The following CORO1C variants were observed in gnomAD, a reference collection of about 807,000 sequenced individuals.
CORO1C encodes coronin 1C.
Under a neutral mutation model 51.2 loss-of-function variants are expected in CORO1C, and 14 were observed. The ratio of observed to expected loss-of-function variants is 0.27; its 90% CI spans 0.18 to 0.43. The LOEUF is 0.43. Among genes scored for constraint, CORO1C ranks in the 20% least tolerant of loss-of-function variants. The pLI, the probability that CORO1C is intolerant of heterozygous loss-of-function variation, is 1.00. For synonymous variants in CORO1C, 181 were observed against 210.5 expected, an observed-to-expected ratio of 0.86 and a Z score of 1.21; for missense variants, 417 against 607.8, an observed-to-expected ratio of 0.69 and a Z score of 3.30.
chr12:108,659,417 A>G (rs2033162854), intron 4 of CORO1C, among the ~76,000 whole-genome samples: 1 of 152,242 alleles, frequency 6.6e-6, no homozygotes, highest in South Asian at 2.1e-4. Context: ...TAGTACATGT[A>G]TACTATAGAG....
chr12:108,679,134 C>CAAAAAAA (rs2034027740), intron 2 of CORO1C, among the ~76,000 whole-genome samples: 2 of 49,686 alleles, frequency 4.0e-5, no homozygotes, highest in Non-Finnish European at 8.0e-5. Context: ...AAAAAAGAAA[C>CAAAAAAA]AAGAAAAAAG....
intron 4 of CORO1C, among the ~76,000 whole-genome samples, chr12:108,659,468 C>T (rs181320508): frequency 3.9e-5 from 6 of 152,252 alleles, no homozygotes; most frequent in African/African-American, 1.4e-4. Context: ...CTTTTAATCC[C>T]ACCACTCAGA....
intron 6 of CORO1C, among the ~76,000 whole-genome samples, chr12:108,656,591 G>A (rs574897580): frequency 1.4e-4 from 22 of 152,356 alleles, no homozygotes; most frequent in African/African-American, 2.4e-4. Context: ...TGACGATGGC[G>A]GTTTTGTGGA....
intron 2 of CORO1C, among the ~76,000 whole-genome samples, chr12:108,699,564 T>C (rs2034800086): frequency 6.6e-6 from 1 of 152,218 alleles, no homozygotes; most frequent in African/African-American, 2.4e-5. Context: ...GTCTTCTCAG[T>C]TGGCTGCCAT....
At chr12:108,724,535 C>T (rs2035543316) in intron 1 of CORO1C, among the ~76,000 whole-genome samples, 1 of 152,160 alleles carries the variant, frequency 6.6e-6, no homozygotes, top group Non-Finnish European at 1.5e-5. Flanking sequence ...CACCAGGGAA[C>T]TCACACCCAG....
intron 1 of CORO1C, among the ~76,000 whole-genome samples, chr12:108,721,271 A>C (rs2035467174): frequency 6.6e-6 from 1 of 152,202 alleles, no homozygotes; most frequent in African/African-American, 2.4e-5. Flanking sequence ...CACTTTCCAT[A>C]ATCAGGGCCA....
chr12:108,691,921 G>T (rs183587045), intron 2 of CORO1C, among the ~76,000 whole-genome samples: 1 of 152,274 alleles, frequency 6.6e-6, no homozygotes, highest in Non-Finnish European at 1.5e-5. Flanking sequence ...AATAGCCCCG[G>T]GGTACATTGG....
chr12:108,701,503 A>C, intron 1 of CORO1C, 180 bp from the exon 2 acceptor site: 2 of 803,040 alleles, frequency 2.5e-6, no homozygotes, highest in Admixed American at 2.9e-5. Flanking sequence ...AGACAACTGC[A>C]AAATGCGTCA....
intron 1 of CORO1C, among the ~76,000 whole-genome samples, chr12:108,711,832 T>C (rs546434329): frequency 1.3e-5 from 2 of 152,294 alleles, no homozygotes; most frequent in South Asian, 2.1e-4. Context: ...TTTTCTCTAT[T>C]CTACTTCCAT....
At chr12:108,662,318 T>G (rs981004681) in intron 3 of CORO1C, among the ~76,000 whole-genome samples, 160 bp from the exon 4 acceptor site, 16 of 143,372 alleles carry the variant, frequency 1.1e-4, no homozygotes, top group South Asian at 6.4e-4. Context: ...TGTTAGGCGG[T>G]TTTTTTTTTG....
At chr12:108,714,261 C>T (rs2035265294) in intron 1 of CORO1C, among the ~76,000 whole-genome samples, 1 of 151,822 alleles carries the variant, frequency 6.6e-6, no homozygotes, top group Non-Finnish European at 1.5e-5. Context: ...TGGTGGCGCA[C>T]AACTGTAGTC....
Position 108,708,136 on chromosome 12 carries a change from A to G in CORO1C, c.-5-6813T>C, listed in dbSNP as rs369494520. On this transcript the variant is annotated intron_variant, in intron 1 of 10. Coordinates refer to ENST00000261401, the MANE Select transcript of CORO1C (RefSeq NM_014325.4). Reference sequence around the variant, plus strand: ...GCAATCCACTCCTAGGTATACACTCATAAGAACTGAAAACAGGTAGTCAAA... The same window carrying G: ...GCAATCCACTCCTAGGTATACACTCGTAAGAACTGAAAACAGGTAGTCAAA... 3.9e-5 allele frequency among the ~76,000 whole-genome samples: 6 copies of G among 152,360 alleles called. No homozygotes were observed. The East Asian group carries it at 9.6e-4, about 24-fold the overall frequency.
rs2136791135 is a variant in CORO1C at position 108,649,012 on chromosome 12, T to C, written c.1010A>G (p.Lys337Arg). ...AGGTTCACACTTTCTCTCATGAAGTTTGAAGAATCTTCAGAGGGGAAATAA... is the reference window on the plus strand; with the variant it reads ...AGGTTCACACTTTCTCTCATGAAGTCTGAAGAATCTTCAGAGGGGAAATAA... ...VNKCEIARFF[K>R]LHERKCEPII... The change falls in exon 9 of 11, where the codon AAA becomes AGA. Residue 337 changes from lysine to arginine, a missense_variant. By Grantham distance (26) the Lys-to-Arg change is conservative. Transcript: ENST00000261401. The C allele has an allele frequency of 1.9e-6, 3 of 1,614,212 alleles. No homozygotes were observed. Among genetic ancestry groups the C allele is most frequent in the East Asian group, 2.2e-5 (1 of 44,892 alleles).
At chr12:108,693,387 G>A (rs1565925029) in intron 2 of CORO1C, among the ~76,000 whole-genome samples, 1 of 152,198 alleles carries the variant, frequency 6.6e-6, no homozygotes, top group Non-Finnish European at 1.5e-5. Context: ...TTCCATCAAC[G>A]TGACAGAAGT....
intron 1 of CORO1C, among the ~76,000 whole-genome samples, chr12:108,708,919 ATT>A (rs201679556): frequency 6.7e-6 from 1 of 148,208 alleles, no homozygotes; most frequent in African/African-American, 2.5e-5. Context: ...CACCAGGCTA[ATT>A]TTTTTTTTGG....
intron 8 of CORO1C, among the ~76,000 whole-genome samples, chr12:108,651,828 G>A (rs2032671742): frequency 6.6e-6 from 1 of 152,166 alleles, no homozygotes; most frequent in Non-Finnish European, 1.5e-5. Context: ...TCTTGTAGCT[G>A]TATTGCTCTG....
chr12:108,691,723 A>C (rs1320574995), intron 2 of CORO1C, among the ~76,000 whole-genome samples: 1 of 152,158 alleles, frequency 6.6e-6, no homozygotes, highest in Admixed American at 6.5e-5. Flanking sequence ...GGTAAAAACC[A>C]CTGTCAGAGC....
At chr12:108,712,913 T>TAAAAAAAA (rs142742201) in intron 1 of CORO1C, among the ~76,000 whole-genome samples, 6 of 128,064 alleles carry the variant, frequency 4.7e-5, no homozygotes, top group African/African-American at 1.2e-4. Context: ...CATGTCTCTT[T>TAAAAAAAA]AAAAAAAAAA....
At chr12:108,671,580 T>C (rs940281559) in intron 3 of CORO1C, among the ~76,000 whole-genome samples, 7 of 151,510 alleles carry the variant, frequency 4.6e-5, no homozygotes, top group African/African-American at 1.5e-4. Flanking sequence ...AACAATCTTC[T>C]AGTAAAATTA....
Sources: allele counts gnomAD v4.1 joint callset (sites outside exome capture counted in the v4.1 genomes callset), GRCh38; gene constraint gnomAD v4.1.1; transcripts MANE v1.5; gene names NCBI Gene and HGNC (gene_info 2026-07-23, HGNC 2026-07-21).